OR1R1: variants seen among roughly 807,000 people sequenced by gnomAD.
OR1R1 encodes olfactory receptor 1R1.
the OR1R1 span, chr17:3,386,471 T>G: frequency 2.5e-6 from 1 of 398,204 alleles, no homozygotes; most frequent in Non-Finnish European, 4.4e-6. Context: ...TTTTGCGACA[T>G]GACGGTGATG....
the OR1R1 span, chr17:3,386,429 C>T: frequency 5.0e-6 from 2 of 398,486 alleles, no homozygotes; most frequent in East Asian, 3.6e-5. Context: ...TCCGCGCTCT[C>T]CTACCCCTAC....
At chr17:3,386,699 C>G in the OR1R1 span, 2 of 398,520 alleles carry the variant, frequency 5.0e-6, no homozygotes, top group Admixed American at 4.4e-5. Flanking sequence ...TCTGTCCTCT[C>G]CGTGTATTTC....
the OR1R1 span, chr17:3,386,315 C>T: frequency 5.0e-6 from 2 of 398,274 alleles, no homozygotes; most frequent in African/African-American, 2.1e-5. Context: ...GCGTGCCGGC[C>T]CCTGCGCTAC....
At chr17:3,385,959 C>T in the OR1R1 span, 1 of 397,530 alleles carries the variant, frequency 2.5e-6, no homozygotes, top group Non-Finnish European at 4.4e-6. Context: ...CATCTGCCCC[C>T]GTGTTCCTCC....
the OR1R1 span, chr17:3,386,788 C>G: frequency 2.5e-6 from 1 of 398,536 alleles, no homozygotes; most frequent in East Asian, 3.6e-5. Context: ...GACCTTGAAC[C>G]CTTTCATCAA....
chr17:3,386,752 A>G, the OR1R1 span: 1 of 398,478 alleles, frequency 2.5e-6, no homozygotes, highest in Admixed American at 4.4e-5. Context: ...CCGCCTGGCC[A>G]GCGTGGTCTA....
the OR1R1 span, chr17:3,386,830 C>T: frequency 5.0e-6 from 2 of 398,476 alleles, no homozygotes; most frequent in African/African-American, 4.1e-5. Flanking sequence ...CAAGGGCGCC[C>T]TGAAAAGGGG....
the OR1R1 span, chr17:3,386,616 C>T: frequency 1.5e-5 from 6 of 398,742 alleles, no homozygotes; most frequent in Non-Finnish European, 2.2e-5. Flanking sequence ...CTCGGCTTGC[C>T]GGCGGCCGGC....
At chr17:3,386,039 T>G in the OR1R1 span, 1 of 398,672 alleles carries the variant, frequency 2.5e-6, no homozygotes. Flanking sequence ...ATCTATCTGC[T>G]CAACGCCCTG....
chr17:3,386,165 C>T, the OR1R1 span: 2 of 398,940 alleles, frequency 5.0e-6, no homozygotes, highest in Non-Finnish European at 8.8e-6. Context: ...GTCACGGTCC[C>T]CAGGCTGCTG....
the OR1R1 span, chr17:3,386,592 T>G: frequency 2.5e-6 from 1 of 398,362 alleles, no homozygotes; most frequent in East Asian, 3.6e-5. Context: ...TACGCGCGCA[T>G]CCTGGTCGCG....
chr17:3,386,602 G>A, the OR1R1 span: 3 of 398,568 alleles, frequency 7.5e-6, no homozygotes, highest in Admixed American at 4.4e-5. Flanking sequence ...TCCTGGTCGC[G>A]GTGCTCGGCT....
the OR1R1 span, chr17:3,386,259 C>G: frequency 5.0e-6 from 2 of 398,762 alleles, no homozygotes; most frequent in Non-Finnish European, 8.8e-6. Context: ...TGGGCATCAC[C>G]GAGAGCTACC....
At chr17:3,385,955 C>A in the OR1R1 span, 1 of 398,000 alleles carries the variant, frequency 2.5e-6, no homozygotes, top group African/African-American at 2.1e-5. Context: ...CTCACATCTG[C>A]CCCCGTGTTC....
the OR1R1 span, chr17:3,386,712 G>A: frequency 7.8e-5 from 31 of 398,568 alleles, no homozygotes; most frequent in African/African-American, 5.5e-4. Flanking sequence ...TGTATTTCCC[G>A]CCGTCGTCTG....
the OR1R1 span, chr17:3,386,104 A>G: frequency 5.0e-6 from 2 of 398,374 alleles, no homozygotes; most frequent in African/African-American, 2.1e-5. Flanking sequence ...CCGCTCCCCC[A>G]TGTATTACTT....
At chr17:3,386,516 A>C in the OR1R1 span, 1 of 398,118 alleles carries the variant, frequency 2.5e-6, no homozygotes, top group East Asian at 3.6e-5. Context: ...TCCGCCGCGG[A>C]GACGGCCATC....
the OR1R1 span, chr17:3,386,467 G>T: frequency 1.8e-5 from 7 of 398,338 alleles, no homozygotes; most frequent in South Asian, 8.9e-4. Context: ...CTTCTTTTGC[G>T]ACATGACGGT....
chr17:3,386,106 G>A, the OR1R1 span: 1 of 398,682 alleles, frequency 2.5e-6, no homozygotes. Flanking sequence ...GCTCCCCCAT[G>A]TATTACTTCT....
Sources: gnomAD v4.1 joint callset for allele counts on GRCh38, gnomAD v4.1.1 for gene constraint, MANE v1.5 for transcripts, NCBI Gene and HGNC (gene_info 2026-07-23, HGNC 2026-07-21) for gene names.